The following CRADD variants were observed in gnomAD, a reference collection of about 807,000 sequenced individuals.
The protein encoded by CRADD is CARD and death domain containing adaptor protein, also known as death domain-containing protein CRADD.
In CRADD, 9 loss-of-function variants were observed where a neutral mutation model predicts 15.5. The ratio of observed to expected loss-of-function variants is 0.58; its 90% CI spans 0.35 to 1.01. CRADD has a LOEUF of 1.01. Ranked by LOEUF, CRADD falls within the 50% of genes least tolerant of loss-of-function variation. The probability of loss-of-function intolerance (pLI) is 0.02; values close to 1 mark genes in which losing one functional copy is unlikely to be tolerated. For synonymous variants in CRADD, 118 were observed against 107.6 expected (o/e 1.10, Z -0.60); for missense variants, 227 against 250.3 (o/e 0.91, Z 0.63).
At chr12:93,695,081 A>G (rs1303325570) in intron 2 of CRADD, among the ~76,000 whole-genome samples, 1 of 152,258 alleles carries the variant, frequency 6.6e-6, no homozygotes, top group Non-Finnish European at 1.5e-5. Context: ...CTACAAAGCT[A>G]TACTAGTCAG....
intron 2 of CRADD, among the ~76,000 whole-genome samples, chr12:93,742,617 T>C (rs1956691303): frequency 1.3e-5 from 2 of 152,162 alleles, no homozygotes. Flanking sequence ...CTCAGCTCCA[T>C]CTCCAGGAAA....
At chr12:93,723,924 G>T (rs1357130227) in intron 2 of CRADD, among the ~76,000 whole-genome samples, 1 of 152,154 alleles carries the variant, frequency 6.6e-6, no homozygotes, top group African/African-American at 2.4e-5. Context: ...TTCCCTCCAG[G>T]CCCGTTAGGC....
At chr12:93,839,657 C>A (rs1565934169) in intron 2 of CRADD, among the ~76,000 whole-genome samples, 1 of 152,182 alleles carries the variant, frequency 6.6e-6, no homozygotes, top group South Asian at 2.1e-4. Flanking sequence ...TTGTTGTTTA[C>A]ATTTGTTTCT....
At chr12:93,890,160 G>T (rs536822047) in intron 2 of CRADD, among the ~76,000 whole-genome samples, 1 of 152,314 alleles carries the variant, frequency 6.6e-6, no homozygotes, top group African/African-American at 2.4e-5. Flanking sequence ...TAGCCAGGCT[G>T]TTTATTAGCT....
intron 2 of CRADD, among the ~76,000 whole-genome samples, chr12:93,867,405 T>TATATATATATATATATATATATATTTA (rs1207739624): frequency 9.8e-6 from 1 of 102,072 alleles, no homozygotes; most frequent in African/African-American, 3.1e-5. Flanking sequence ...ATATATATAT[T>TATATATATATATATATATATATATTTA]TTTTAAACTT....
intron 2 of CRADD, among the ~76,000 whole-genome samples, chr12:93,771,328 G>A (rs979867867): frequency 6.6e-6 from 1 of 152,152 alleles, no homozygotes; most frequent in African/African-American, 2.4e-5. Flanking sequence ...TGTGAACCTG[G>A]AGAATAACTC....
intron 2 of CRADD, among the ~76,000 whole-genome samples, chr12:93,825,709 A>T (rs917674412): frequency 1.3e-5 from 2 of 152,212 alleles, no homozygotes; most frequent in Non-Finnish European, 2.9e-5. Flanking sequence ...GTATTAGGCT[A>T]TGAGAACCTA....
chr12:93,852,013 A>G (rs891806508), downstream of CRADD, among the ~76,000 whole-genome samples: 10 of 152,250 alleles, frequency 6.6e-5, no homozygotes, highest in Non-Finnish European at 1.3e-4. Context: ...AGGATAGTCT[A>G]CTGGCCTTAT....
chr12:93,789,556 T>C (rs1044066090), intron 2 of CRADD, among the ~76,000 whole-genome samples: 1 of 152,072 alleles, frequency 6.6e-6, no homozygotes, highest in Non-Finnish European at 1.5e-5. Flanking sequence ...CTTTAAAAAA[T>C]TGGAAGCAGC....
intron 2 of CRADD, among the ~76,000 whole-genome samples, chr12:93,841,455 C>T (rs1230631910): frequency 2.6e-5 from 4 of 152,166 alleles, no homozygotes; most frequent in African/African-American, 9.7e-5. Context: ...CCAAGGTCCA[C>T]AGGATCCATG....
rs1186439422 is a variant in CRADD at position 93,837,277 on chromosome 12, GT to G, written c.299-12682del. Reference sequence around the variant, plus strand: ...TTTGTTTGTTTGTTTGTTTGTTTTTGTTTTTTTTTTTAGAGGGAGTCTCGCT... The same window carrying G: ...TTTGTTTGTTTGTTTGTTTGTTTTTGTTTTTTTTTTAGAGGGAGTCTCGCT... On this transcript the variant is annotated intron_variant, in intron 2 of 2. Coordinates refer to ENST00000332896, the MANE Select transcript of CRADD (RefSeq NM_003805.5). 520 of 144,060 alleles carry G rather than the reference GT, an allele frequency of 3.6e-3. 1 individual carries two copies. Among genetic ancestry groups the G allele is most frequent in the East Asian group, 0.017 (84 of 5,038 alleles). 8.9% of individuals were successfully genotyped at this position (144,060 alleles called of 1,614,324 possible). A position where few individuals can be genotyped will look rare whatever the true frequency, so the allele number is the denominator to read the frequency against.
At chr12:93,785,338 A>G (rs1464295400) in intron 2 of CRADD, among the ~76,000 whole-genome samples, 3 of 152,198 alleles carry the variant, frequency 2.0e-5, no homozygotes, top group Admixed American at 2.0e-4. Context: ...TCTGACGAAC[A>G]TCCGAAATGA....
intron 2 of CRADD, among the ~76,000 whole-genome samples, chr12:93,768,985 GTAT>G (rs1225044024): frequency 6.6e-6 from 1 of 152,004 alleles, no homozygotes; most frequent in African/African-American, 2.4e-5. Context: ...TTTTTCACAT[GTAT>G]TATTTGTTTA....
intron 2 of CRADD, among the ~76,000 whole-genome samples, chr12:93,866,600 G>T (rs1310811600): frequency 6.6e-6 from 1 of 152,132 alleles, no homozygotes; most frequent in Non-Finnish European, 1.5e-5. Context: ...TTTAAAAGGT[G>T]ATCATTGGCT....
At chr12:93,681,172 C>T (rs1221900443) in intron 2 of CRADD, among the ~76,000 whole-genome samples, 1 of 152,180 alleles carries the variant, frequency 6.6e-6, no homozygotes, top group Non-Finnish European at 1.5e-5. Context: ...GCGTGAGCCA[C>T]CATGCTCGGC....
intron 2 of CRADD, among the ~76,000 whole-genome samples, chr12:93,819,487 A>C (rs1784194825): frequency 1.3e-5 from 2 of 152,262 alleles, no homozygotes; most frequent in South Asian, 4.1e-4. Flanking sequence ...TACTTGGTTC[A>C]AATTCTGATT....
chr12:93,783,886 A>G (rs545390317), intron 2 of CRADD, among the ~76,000 whole-genome samples: 9 of 152,292 alleles, frequency 5.9e-5, no homozygotes, highest in African/African-American at 2.2e-4. Context: ...TGGCTTTTGT[A>G]AAACCTGGGT....
chr12:93,890,765 T>TTC (rs1958570602), intron 2 of CRADD, among the ~76,000 whole-genome samples: 1 of 148,676 alleles, frequency 6.7e-6, no homozygotes, highest in Non-Finnish European at 1.5e-5. Context: ...CTTTCTTTCT[T>TTC]TTTTTTTTTT....
At chr12:93,845,953 C>A (rs183686784) in intron 2 of CRADD, among the ~76,000 whole-genome samples, 1 of 152,112 alleles carries the variant, frequency 6.6e-6, no homozygotes, top group East Asian at 1.9e-4. Context: ...TTCTCCCTCC[C>A]CCACCCCCTG....
Sources: gnomAD v4.1 joint callset for allele counts (sites outside exome capture counted in the v4.1 genomes callset) on GRCh38, gnomAD v4.1.1 for gene constraint, MANE v1.5 for transcripts, NCBI Gene and HGNC (gene_info 2026-07-23, HGNC 2026-07-21) for gene names.